GFRA4: variants seen among roughly 807,000 people sequenced by gnomAD.
The protein encoded by GFRA4 is GDNF family receptor alpha-4.
GFRA4 carries 31 observed loss-of-function variants against 28.5 expected under a neutral mutation model. That is an observed-to-expected ratio of 1.09 (90% CI 0.82 to 1.47). The LOEUF (loss-of-function observed/expected upper bound fraction) is 1.47, where lower values mean the gene tolerates loss of function less well. Among genes scored for constraint, GFRA4 ranks in the 40% most tolerant of loss-of-function variants. The pLI is 0.00. For synonymous variants in GFRA4, 188 were observed against 188.0 expected, an observed-to-expected ratio of 1.00 and a Z score of 0.00; for missense variants, 389 against 413.2, an observed-to-expected ratio of 0.94 and a Z score of 0.51.
rs749350882 is a variant in GFRA4, at chr20:3,660,663, G to C, written c.503-3C>G. On this transcript the variant is annotated splice_region_variant and splice_polypyrimidine_tract_variant and intron_variant, in intron 3 of 5. Transcript: ENST00000290417. ...GTAGTTAGGGGTGACGGCGGTGCCT[G>C]CGGGGACCCTGAGGGCGAAGTCATC... 1.2e-5 allele frequency: 18 copies of C among 1,547,260 alleles called. 1 individual carries two copies. The South Asian group carries it at 2.0e-4, about 17-fold the overall frequency.
At chr20:3,661,569 A>T (rs1312681967) in intron 1 of GFRA4, among the ~76,000 whole-genome samples, 1 of 32,406 alleles carries the variant, frequency 3.1e-5, no homozygotes, top group African/African-American at 1.1e-4. Context: ...AAGCATCGCC[A>T]CCATTTCTCC....
In GFRA4 at chr20:3,660,897, G is replaced by A. The variant is rs895453885; in HGVS notation, c.393-33C>T. On this transcript the variant is annotated intron_variant, in intron 2 of 5. Coordinates refer to ENST00000290417, the MANE Select transcript of GFRA4 (RefSeq NM_022139.4). The stretch of plus-strand genomic sequence containing the variant: ...GCGGGAGGGCGGTGAGCCGGAGAGA[G>A]GCCCCGTCCCCACCCTCGCCACGGC... 4.3e-6 allele frequency: 6 copies of A among 1,391,122 alleles called. No homozygotes were observed. In the South Asian group the frequency reaches 8.1e-5, roughly 19 times the overall value. The allele number at this position is 1,391,122 out of a possible 1,614,324, so 86.2% of individuals were successfully genotyped here.
rs775564801 is a variant in GFRA4, at chr20:3,660,234, G to A, written c.653C>T (p.Ala218Val). 1 of 1,606,366 alleles carries A rather than the reference G, an allele frequency of 6.2e-7. No individual in the cohort carries two copies. The highest frequency in any genetic ancestry group is 1.7e-5 in the Admixed American group (1 of 59,028). The change falls in exon 5 of 6, where the codon GCC becomes GTC. Residue 218 changes from alanine to valine, a missense_variant. Transcript: ENST00000290417. The part of the protein sequence containing the change: ...RNRCLDGAIQ[A>V]FASGWPPVLL... ...GACTGGGGGCCACCCGCTGGCAAAG[G>A]CCTGAATGGCACCATCTATGGAGGG...
At chr20:3,660,127 T>G (rs1470016331) in intron 5 of GFRA4, 31 bp downstream of exon 5, 2 of 1,537,884 alleles carry the variant, frequency 1.3e-6, no homozygotes, top group Non-Finnish European at 1.8e-6. Context: ...GTGGGGGAGG[T>G]GCCAGCTCAC....
chr20:3,661,641 C>G (rs2087226639), intron 1 of GFRA4, among the ~76,000 whole-genome samples: 1 of 152,220 alleles, frequency 6.6e-6, no homozygotes, highest in African/African-American at 2.4e-5. Context: ...ATGGCACTAC[C>G]TGACGGGGGA....
At position 3,660,196 on chromosome 20, in the gene GFRA4, G is replaced by T; in HGVS notation, c.691C>A (p.Leu231Met). The T allele has an allele frequency of 6.2e-7, 1 of 1,602,332 alleles. No homozygotes were observed. Among genetic ancestry groups the T allele is most frequent in the Non-Finnish European group, 8.5e-7 (1 of 1,175,544 alleles). ...TGCTCCGGGTCTCCCTGGGGGTTCA[G>T]CTGGTCCAGCAGGACTGGGGGCCAC... ...SGWPPVLLDQ[L>M]NPQGDPEHSL... is the part of the protein sequence containing the mutation. Residue 231 changes from leucine (L) to methionine (M), a missense_variant, in exon 5 of 6, where the codon CTG becomes ATG. Physicochemically the swap from Leu to Met is conservative, Grantham distance 15. Coordinates refer to ENST00000290417, the MANE Select transcript of GFRA4 (RefSeq NM_022139.4).
In GFRA4 at chr20:3,661,017, A is replaced by G; in HGVS notation, c.319T>C (p.Phe107Leu). ...GGCGGCGCGGGGCCGGGCCCCGAAAAGGCGCAGGAGGGCACGAAGGTCTGG... is the reference window on the plus strand; with the variant it reads ...GGCGGCGCGGGGCCGGGCCCCGAAAGGGCGCAGGAGGGCACGAAGGTCTGG... The part of the protein sequence containing the change: ...RRQTFVPSCA[F>L]SGPGPAPPSC... The change falls in exon 2 of 6, where the codon TTT (phenylalanine) becomes CTT (leucine). Residue 107 changes from phenylalanine to leucine, a missense_variant. By Grantham distance (22) the Phe-to-Leu change is conservative. Transcript: ENST00000290417. 1 of 1,463,426 alleles carries G rather than the reference A, an allele frequency of 6.8e-7. No homozygotes were observed. Among genetic ancestry groups the G allele is most frequent in the Non-Finnish European group, 9.0e-7 (1 of 1,115,230 alleles). 90.7% of individuals were successfully genotyped at this position (1,463,426 alleles called of 1,614,324 possible).
chr20:3,662,207 G>A (rs1267480381), intron 1 of GFRA4, among the ~76,000 whole-genome samples: 11 of 152,224 alleles, frequency 7.2e-5, no homozygotes, highest in Non-Finnish European at 1.6e-4. Context: ...CACACCAGGG[G>A]TTGGGTAGAC....
chr20:3,660,211 C>T lies in GFRA4; in HGVS notation c.676G>A (p.Val226Ile), dbSNP rs2087202127. 4 of 1,606,210 alleles carry T rather than the reference C, an allele frequency of 2.5e-6. No homozygotes were observed. The highest frequency in any genetic ancestry group is 1.7e-5 in the Admixed American group (1 of 58,756). The change falls in exon 5 of 6, where the codon GTC becomes ATC. Residue 226 changes from valine (V) to isoleucine (I), a missense_variant. By Grantham distance (29) the Val-to-Ile change is conservative. Transcript: ENST00000290417. ...TGGGGGTTCAGCTGGTCCAGCAGGA[C>T]TGGGGGCCACCCGCTGGCAAAGGCC... is the stretch of plus-strand genomic sequence containing the variant. ...IQAFASGWPPVLLDQLNPQGD... is the reference protein window; with the variant it reads ...IQAFASGWPPILLDQLNPQGD...
chr20:3,660,702 G>A (rs2087209911), intron 3 of GFRA4, 42 bp from the exon 4 acceptor site: 2 of 1,520,094 alleles, frequency 1.3e-6, no homozygotes, highest in African/African-American at 1.4e-5. Context: ...CCACCCGGGC[G>A]GAGATATCCC....
chr20:3,659,502 G>A lies in GFRA4; in HGVS notation c.*407C>T, dbSNP rs1298319793. ...CGATGGATTCCTTAGGGGGTTATATGCTTGGGAGGCTGATACAATTTCCTA... is the reference window on the plus strand; with the variant it reads ...CGATGGATTCCTTAGGGGGTTATATACTTGGGAGGCTGATACAATTTCCTA... On this transcript the variant is annotated 3_prime_UTR_variant, in exon 6 of 6. Transcript: ENST00000290417. The A allele has an allele frequency of 4.4e-6, 1 of 227,268 alleles. No homozygotes were observed. Among genetic ancestry groups the A allele is most frequent in the Non-Finnish European group, 8.8e-6 (1 of 113,706 alleles). 14.1% of individuals were successfully genotyped at this position (227,268 alleles called of 1,614,324 possible).
intron 1 of GFRA4, among the ~76,000 whole-genome samples, chr20:3,661,803 T>A (rs533403141): frequency 6.6e-6 from 1 of 152,098 alleles, no homozygotes; most frequent in East Asian, 1.9e-4. Context: ...TCCTCCACCA[T>A]GGAGACCCTT....
rs1342105482 is a variant in GFRA4, at chr20:3,660,970, G to A, written c.366C>T (p.Asn122=). The change falls in exon 2 of 6, where the codon AAC becomes AAT. Residue 122 remains asparagine, a synonymous_variant. Coordinates refer to ENST00000290417, the MANE Select transcript of GFRA4 (RefSeq NM_022139.4). ...PAPPSCLEPL[N]FCERSRVCRP... ...TGCAGACCCGGCTGCGCTCGCAGAA[G>A]TTTAAGGGCTCAAGGCAGGAGGGCG... The A allele has an allele frequency of 1.5e-6, 2 of 1,322,836 alleles. No individual in the cohort carries two copies. The highest frequency in any genetic ancestry group is 1.9e-6 in the Non-Finnish European group (2 of 1,031,872). 81.9% of individuals were successfully genotyped at this position (1,322,836 alleles called of 1,614,324 possible). A position where few individuals can be genotyped will look rare whatever the true frequency, so the allele number is the denominator to read the frequency against.
At position 3,660,237 on chromosome 20, in the gene GFRA4, T is replaced by C; in HGVS notation, c.650A>G (p.Gln217Arg). ...TRNRCLDGAI[Q>R]AFASGWPPVL... ...TGGGGGCCACCCGCTGGCAAAGGCC[T>C]GAATGGCACCATCTATGGAGGGAGG... Residue 217 changes from glutamine (Q) to arginine (R), a missense_variant, in exon 5 of 6, where the codon CAG (glutamine) becomes CGG (arginine). By Grantham distance (43) the Gln-to-Arg change is conservative. Coordinates refer to ENST00000290417, the MANE Select transcript of GFRA4 (RefSeq NM_022139.4). 1 of 1,605,996 alleles carries C rather than the reference T, an allele frequency of 6.2e-7. No individual in the cohort carries two copies. Among genetic ancestry groups the C allele is most frequent in the South Asian group, 1.1e-5 (1 of 89,300 alleles).
At position 3,659,374 on chromosome 20, in the gene GFRA4, T is replaced by A. The variant is rs2087192660; in HGVS notation, c.*535A>T. The A allele has an allele frequency of 6.3e-6, 1 of 158,416 alleles. No homozygotes were observed. The highest frequency in any genetic ancestry group is 2.4e-5 in the African/African-American group (1 of 41,464). The allele number at this position is 158,416 out of a possible 1,614,324, so 9.8% of individuals were successfully genotyped here. On this transcript the variant is annotated 3_prime_UTR_variant, in exon 6 of 6. Coordinates refer to ENST00000290417, the MANE Select transcript of GFRA4 (RefSeq NM_022139.4). The stretch of plus-strand genomic sequence containing the variant: ...AGGGTGGGGCCCCTCAAGCAGCATA[T>A]GGGGAACAGGAAAGACTCTGCCAGC...
rs1419580518 is a variant in GFRA4 at position 3,660,873 on chromosome 20, C to T, written c.393-9G>A. The T allele has an allele frequency of 1.4e-6, 2 of 1,404,894 alleles. No homozygotes were observed. Among genetic ancestry groups the T allele is most frequent in the Non-Finnish European group, 1.8e-6 (2 of 1,089,540 alleles). 87.0% of individuals were successfully genotyped at this position (1,404,894 alleles called of 1,614,324 possible). A position where few individuals can be genotyped will look rare whatever the true frequency, so the allele number is the denominator to read the frequency against. On this transcript the variant is annotated splice_polypyrimidine_tract_variant and intron_variant, in intron 2 of 5. Transcript: ENST00000290417. The stretch of plus-strand genomic sequence containing the variant: ...AGGCCAGGAGGCGAGGCCTGCGCGG[C>T]GGGAGGGCGGTGAGCCGGAGAGAGG...
At chr20:3,662,227 G>A (rs539074261) in intron 1 of GFRA4, among the ~76,000 whole-genome samples, 15 of 152,344 alleles carry the variant, frequency 9.8e-5, no homozygotes, top group African/African-American at 3.4e-4. Flanking sequence ...CAGAGGGTGA[G>A]CTCTGCCCAC....
rs2087201893 is a variant in GFRA4, at chr20:3,660,193, T to G, written c.694A>C (p.Asn232His). The G allele has an allele frequency of 6.2e-7, 1 of 1,601,292 alleles. No homozygotes were observed. The highest frequency in any genetic ancestry group is 1.3e-5 in the African/African-American group (1 of 74,514). The change falls in exon 5 of 6, where the codon AAC (asparagine) becomes CAC (histidine). Residue 232 changes from asparagine to histidine, a missense_variant. Physicochemically the swap from Asn to His is moderately conservative, Grantham distance 68. Coordinates refer to ENST00000290417, the MANE Select transcript of GFRA4 (RefSeq NM_022139.4). ...CTGTGCTCCGGGTCTCCCTGGGGGT[T>G]CAGCTGGTCCAGCAGGACTGGGGGC... ...GWPPVLLDQL[N>H]PQGDPEHSLL... is the part of the protein sequence containing the mutation.
intron 1 of GFRA4, 111 bp from the exon 2 acceptor site, chr20:3,661,400 A>G (rs929450745): frequency 7.6e-7 from 1 of 1,318,824 alleles, no homozygotes. Context: ...GAGAAAGCAT[A>G]GAGTGTGGCC....
Sources: allele counts gnomAD v4.1 joint callset (sites outside exome capture counted in the v4.1 genomes callset), GRCh38; gene constraint gnomAD v4.1.1; transcripts MANE v1.5; gene names NCBI Gene and HGNC (gene_info 2026-07-23, HGNC 2026-07-21).